The following FRY variants were observed in gnomAD, a reference collection of about 807,000 sequenced individuals.
The protein encoded by FRY is protein furry homolog.
A neutral mutation model predicts 348.4 loss-of-function variants in FRY; 128 were observed. The observed-to-expected ratio is 0.37, with a 90% CI of 0.32 to 0.43. The LOEUF is 0.43. FRY is among the 20% of genes least tolerant of loss of function. The probability of loss-of-function intolerance (pLI) is 1.00; values close to 1 mark genes in which losing one functional copy is unlikely to be tolerated. For missense variants in FRY, 2,736 were observed against 3,695.2 expected, an observed-to-expected ratio of 0.74 and a Z score of 6.73; for synonymous variants, 1,370 against 1,374.7, an observed-to-expected ratio of 1.00 and a Z score of 0.08.
chr13:32,184,609 C>T lies in FRY; in HGVS notation c.3064C>T (p.Arg1022Cys). The change falls in exon 25 of 61, where the codon CGC becomes TGC. Residue 1022 changes from arginine (R) to cysteine (C), a missense_variant. Physicochemically the swap from Arg to Cys is radical, Grantham distance 180. Coordinates refer to ENST00000542859, the MANE Select transcript of FRY (RefSeq NM_023037.3). ...ALERRPENKK[R>C]RERRDLLRLQ... is the part of the protein sequence containing the mutation. ...ACCTCTTTCTACACAGAACAAGAAA[C>T]GCCGAGAACGGCGAGACTTGTTAAG... 2 of 1,610,448 alleles carry T rather than the reference C, an allele frequency of 1.2e-6. No homozygotes were observed. The highest frequency in any genetic ancestry group is 2.2e-5 in the East Asian group (1 of 44,862).
At chr13:32,119,114 G>A (rs545013390) in intron 4 of FRY, among the ~76,000 whole-genome samples, 4 of 152,320 alleles carry the variant, frequency 2.6e-5, no homozygotes, top group African/African-American at 9.6e-5. Context: ...AATCAGGACA[G>A]TAAAATTTGA....
At chr13:32,184,830 C>A (rs570604649) in intron 25 of FRY, 139 bp downstream of exon 25, 1 of 1,009,376 alleles carries the variant, frequency 9.9e-7, no homozygotes, top group Admixed American at 2.0e-5. Flanking sequence ...CTCGCTTTTT[C>A]TTTTTTCATA....
chr13:32,161,629 G>C (rs1881449640), intron 17 of FRY, among the ~76,000 whole-genome samples: 2 of 152,190 alleles, frequency 1.3e-5, no homozygotes. Flanking sequence ...GAAAGGTAAA[G>C]GCAGAGACAT....
At chr13:32,136,730 G>T in intron 10 of FRY, 141 bp from the exon 11 acceptor site, 2 of 729,006 alleles carry the variant, frequency 2.7e-6, no homozygotes, top group South Asian at 1.4e-5. Flanking sequence ...CATCCACTGG[G>T]CACTGTTGTG....
chr13:32,051,545 T>C (rs370297902), intron 1 of FRY, among the ~76,000 whole-genome samples: 186 of 152,342 alleles, frequency 1.2e-3, no homozygotes, highest in African/African-American at 4.3e-3. Flanking sequence ...GAGTATACTC[T>C]ATTTACAAGA....
chr13:32,240,904 G>A (rs761099428), intron 46 of FRY, among the ~76,000 whole-genome samples: 1 of 152,218 alleles, frequency 6.6e-6, no homozygotes, highest in Non-Finnish European at 1.5e-5. Context: ...CTACCTAGCA[G>A]AGGAGAGATG....
chr13:32,086,254 C>A (rs781250852), intron 2 of FRY, among the ~76,000 whole-genome samples: 1 of 152,168 alleles, frequency 6.6e-6, no homozygotes, highest in Non-Finnish European at 1.5e-5. Context: ...TTTGTCCACG[C>A]CCCTCCCTAT....
At chr13:32,250,674 A>T (rs558337851) in intron 49 of FRY, among the ~76,000 whole-genome samples, 9 of 152,138 alleles carry the variant, frequency 5.9e-5, no homozygotes, top group Non-Finnish European at 1.2e-4. Flanking sequence ...AAAAAGAGGG[A>T]CAGTGTTACC....
rs35585320 is a variant in FRY at position 32,158,951 on chromosome 13, C to CAAAAAAAAA, written c.1784+1563_1784+1571dup. The stretch of plus-strand genomic sequence containing the variant: ...AAAGAAATGCATATAGCTGTTTCCT[C>CAAAAAAAAA]AAAAAAAAAAAAAAAAAAAAAAAAA... On this transcript the variant is annotated intron_variant, in intron 16 of 60. Transcript: ENST00000542859. 9.2e-5 allele frequency among the ~76,000 whole-genome samples: 3 copies of CAAAAAAAAA among 32,784 alleles called. 1 individual carries two copies. Among genetic ancestry groups the CAAAAAAAAA allele is most frequent in the Non-Finnish European group, 1.7e-4 (3 of 17,540 alleles). The allele number at this position is 32,784 out of a possible 152,430, so 21.5% of individuals were successfully genotyped here. A position where few individuals can be genotyped will look rare whatever the true frequency, so the allele number is the denominator to read the frequency against.
At chr13:32,132,245 A>AT (rs139166298) in intron 8 of FRY, among the ~76,000 whole-genome samples, 4,423 of 151,222 alleles carry the variant, frequency 0.029, 404 homozygotes, top group East Asian at 0.094. Context: ...AGGAATCTTA[A>AT]TTTTTAAAAA....
rs753801256 is a variant in FRY, at chr13:32,265,469, A to T, written c.7799A>T (p.Glu2600Val). 8 of 1,614,030 alleles carry T rather than the reference A, an allele frequency of 5.0e-6. No individual in the cohort carries two copies. The highest frequency in any genetic ancestry group is 1.3e-5 in the African/African-American group (1 of 74,922). The stretch of plus-strand genomic sequence containing the variant: ...TTCCAGGCTGAAGCTGTTCGTGAGG[A>T]GGAGGACACCACCGTGCATGAGGAT... Reference protein sequence around the residue: ...EGSKAEAVREEEDTTVHEDDL... With the variant: ...EGSKAEAVREVEDTTVHEDDL... The change falls in exon 54 of 61, where the codon GAG (glutamate) becomes GTG (valine). Residue 2600 changes from glutamate to valine, a missense_variant. By Grantham distance (121) the Glu-to-Val change is moderately radical. This residue lies in a region of FRY where 789 missense variants were observed against 996.2 expected (regional missense o/e 0.79). Transcript: ENST00000542859.
At chr13:32,241,728 T>TA (rs1310728610) in intron 46 of FRY, among the ~76,000 whole-genome samples, 3 of 152,162 alleles carry the variant, frequency 2.0e-5, no homozygotes, top group Non-Finnish European at 4.4e-5. Context: ...ATACACTTTT[T>TA]AAAAAAATGG....
chr13:32,181,376 C>G (rs997785968), intron 23 of FRY, among the ~76,000 whole-genome samples: 1 of 151,376 alleles, frequency 6.6e-6, no homozygotes, highest in Admixed American at 6.6e-5. Context: ...GGGTGGATCA[C>G]CTGAGGTCAG....
At chr13:32,076,101 ATC>A (rs1307963269) in intron 1 of FRY, among the ~76,000 whole-genome samples, 1 of 152,200 alleles carries the variant, frequency 6.6e-6, no homozygotes, top group East Asian at 1.9e-4. Context: ...TCTGAATTTC[ATC>A]TCTCTAGTTC....
intron 16 of FRY, among the ~76,000 whole-genome samples, chr13:32,157,722 A>G (rs960627477): frequency 4.6e-5 from 7 of 152,222 alleles, no homozygotes; most frequent in Non-Finnish European, 5.9e-5. Context: ...ACATAGTGAC[A>G]TCCCAAATTT....
intron 44 of FRY, among the ~76,000 whole-genome samples, chr13:32,238,414 C>G (rs1350744370): frequency 6.6e-6 from 1 of 150,824 alleles, no homozygotes; most frequent in Non-Finnish European, 1.5e-5. Flanking sequence ...AATCAACAAA[C>G]CAGATTTTTC....
intron 1 of FRY, among the ~76,000 whole-genome samples, chr13:32,041,689 C>T (rs902923108): frequency 6.6e-6 from 1 of 152,168 alleles, no homozygotes; most frequent in East Asian, 1.9e-4. Context: ...GCTTCTCTTC[C>T]AGGTTGAGGG....
chr13:32,069,133 TCTCGATCTCCTGAC>T (rs1344827388), intron 1 of FRY, among the ~76,000 whole-genome samples: 1 of 152,050 alleles, frequency 6.6e-6, no homozygotes. Context: ...GCCAGGATGG[TCTCGATCTCCTGAC>T]CTCGTGATCC....
chr13:32,096,408 C>G lies in FRY; in HGVS notation c.271-5555C>G, dbSNP rs78382285. On this transcript the variant is annotated intron_variant, in intron 2 of 60. Transcript: ENST00000542859. ...GTGCAAATAATGTACTGTGTGACAA[C>G]TAACAGGTGACTCTGCTAGGGAAAA... is the stretch of plus-strand genomic sequence containing the variant. Among the ~76,000 whole-genome samples the G allele has an allele frequency of 5.2e-3, 785 of 150,870 alleles. 9 individuals carry two copies. The highest frequency in any genetic ancestry group is 0.018 in the African/African-American group (752 of 40,756).
Sources: gnomAD v4.1 joint callset for allele counts (sites outside exome capture counted in the v4.1 genomes callset) on GRCh38, gnomAD v4.1.1 for gene constraint, gnomAD v4.1.1 regional missense constraint, MANE v1.5 for transcripts, NCBI Gene and HGNC (gene_info 2026-07-23, HGNC 2026-07-21) for gene names.